Variants in ZGRF1 observed in about 807,000 individuals in gnomAD.
ZGRF1 encodes the protein 5'-3' DNA helicase ZGRF1.
Under a neutral mutation model 203.5 loss-of-function variants are expected in ZGRF1, and 196 were observed. That is an observed-to-expected ratio of 0.96 (90% CI 0.86 to 1.08). The LOEUF (loss-of-function observed/expected upper bound fraction) is 1.08, where lower values mean the gene tolerates loss of function less well. Ranked by LOEUF, ZGRF1 falls within the 50% of genes least tolerant of loss-of-function variation. The pLI, the probability that ZGRF1 is intolerant of heterozygous loss-of-function variation, is 0.00. For missense variants in ZGRF1, 2,326 were observed against 2,416.3 expected (o/e 0.96, Z 0.78); for synonymous variants, 809 against 841.3 (o/e 0.96, Z 0.66).
chr4:112,633,184 T>C lies in ZGRF1; in HGVS notation c.-8A>G. The C allele has an allele frequency of 5.6e-6, 9 of 1,608,534 alleles. No homozygotes were observed. Among genetic ancestry groups the C allele is most frequent in the Non-Finnish European group, 6.8e-6 (8 of 1,175,566 alleles). On this transcript the variant is annotated 5_prime_UTR_variant, in exon 2 of 28. Coordinates refer to ENST00000505019, the MANE Select transcript of ZGRF1 (RefSeq NM_018392.5). ...AAATTCTTGGCTTTCCATTATTTCT[T>C]CTGAAGTTATAAACCAGCTGGGTCC...
At chr4:112,627,457 A>G (rs2047274468) in intron 3 of ZGRF1, among the ~76,000 whole-genome samples, 1 of 152,158 alleles carries the variant, frequency 6.6e-6, no homozygotes, top group African/African-American at 2.4e-5. Flanking sequence ...AAATACAAAT[A>G]TAGCCGGGCA....
intron 3 of ZGRF1, among the ~76,000 whole-genome samples, chr4:112,624,135 G>A (rs1179415436): frequency 2.8e-5 from 4 of 144,202 alleles, no homozygotes; most frequent in African/African-American, 7.8e-5. Context: ...TTGTTCTTTC[G>A]CTCTTCGCAA....
chr4:112,589,040 A>C (rs148385854), intron 11 of ZGRF1, among the ~76,000 whole-genome samples: 10 of 152,224 alleles, frequency 6.6e-5, no homozygotes, highest in Non-Finnish European at 1.2e-4. Context: ...TAACCCAACT[A>C]CCAATTCACA....
intron 2 of ZGRF1, 90 bp from the exon 3 acceptor site, chr4:112,632,100 T>A (rs760800161): frequency 2.0e-5 from 11 of 544,022 alleles, no homozygotes; most frequent in Non-Finnish European, 2.9e-5. Context: ...ACAAAATATA[T>A]TTAAGGCACC....
intron 3 of ZGRF1, among the ~76,000 whole-genome samples, 169 bp downstream of exon 3, chr4:112,631,761 A>G (rs1560893313): frequency 6.6e-6 from 1 of 152,260 alleles, no homozygotes; most frequent in Non-Finnish European, 1.5e-5. Context: ...AACTATTTTT[A>G]TAACGCACAA....
At chr4:112,566,381 C>A (rs1265917733) in intron 16 of ZGRF1, among the ~76,000 whole-genome samples, 1 of 149,744 alleles carries the variant, frequency 6.7e-6, no homozygotes, top group Non-Finnish European at 1.5e-5. Context: ...AGGAGATATA[C>A]CTAATGCTAA....
At position 112,617,833 on chromosome 4, in the gene ZGRF1, TGTTGTCACTACTAGAA is replaced by T; in HGVS notation, c.2193_2208del (p.Ser732ValfsTer5). The T allele has an allele frequency of 6.2e-7, 1 of 1,614,076 alleles. No individual in the cohort carries two copies. Among genetic ancestry groups the T allele is most frequent in the South Asian group, 1.1e-5 (1 of 91,062 alleles). ...TGATTGGTATTTAATAGTTGGACAC[TGTTGTCACTACTAGAA>T]GTTGAGGGTAAAACATGTTCATCAT... On this transcript the variant is annotated frameshift_variant, in exon 6 of 28. Transcript: ENST00000505019. LOFTEE classifies it high-confidence loss of function.
Position 112,585,729 on chromosome 4 carries a change from C to CAAAA in ZGRF1, c.3917-8_3917-5dup. On this transcript the variant is annotated splice_region_variant and splice_polypyrimidine_tract_variant and intron_variant, in intron 13 of 27. Transcript: ENST00000505019. ...AACAGCAATATATTTAGATGTTCTACAAAAAAAAAAAAAAGAGAGCAGAAA... is the reference window on the plus strand; with the variant it reads ...AACAGCAATATATTTAGATGTTCTACAAAAAAAAAAAAAAAAAAGAGAGCAGAAA... The CAAAA allele has an allele frequency of 6.9e-6, 8 of 1,161,738 alleles. No individual in the cohort carries two copies. Among genetic ancestry groups the CAAAA allele is most frequent in the South Asian group, 4.3e-5 (2 of 46,708 alleles). 72.0% of individuals were successfully genotyped at this position (1,161,738 alleles called of 1,614,324 possible). A position where few individuals can be genotyped will look rare whatever the true frequency, so the allele number is the denominator to read the frequency against.
At chr4:112,558,556 C>T (rs1252771015) in intron 19 of ZGRF1, among the ~76,000 whole-genome samples, 1 of 152,070 alleles carries the variant, frequency 6.6e-6, no homozygotes, top group East Asian at 1.9e-4. Context: ...TTAGTAGAGC[C>T]ACCATATTGG....
chr4:112,574,657 G>A lies in ZGRF1; in HGVS notation c.4438+7006C>T, dbSNP rs544369342. Among the ~76,000 whole-genome samples, 9 of 152,306 alleles carry A rather than the reference G, an allele frequency of 5.9e-5. No individual in the cohort carries two copies. The South Asian group carries it at 8.3e-4, about 14-fold the overall frequency. On this transcript the variant is annotated intron_variant, in intron 16 of 27. Transcript: ENST00000505019. ...AAATAACTAAATGAAGGTGAGCTATGTGAGGACCAATGACTAAGAGTAGGT... is the reference window on the plus strand; with the variant it reads ...AAATAACTAAATGAAGGTGAGCTATATGAGGACCAATGACTAAGAGTAGGT...
Position 112,539,458 on chromosome 4 carries a change from G to C in ZGRF1, c.*89C>G. ...TATTTAAATATCATATTTTTAATAA[G>C]AGGGTTTAGAGTAATAAAAATATAA... On this transcript the variant is annotated 3_prime_UTR_variant, in exon 28 of 28. Coordinates refer to ENST00000505019, the MANE Select transcript of ZGRF1 (RefSeq NM_018392.5). The C allele has an allele frequency of 1.5e-6, 1 of 648,276 alleles. No homozygotes were observed. Among genetic ancestry groups the C allele is most frequent in the East Asian group, 3.1e-5 (1 of 32,528 alleles). The allele number at this position is 648,276 out of a possible 1,614,324, so 40.2% of individuals were successfully genotyped here.
chr4:112,541,387 C>G lies in ZGRF1; in HGVS notation c.5599-119G>C, dbSNP rs1737564539. Reference sequence around the variant, plus strand: ...TATGGTCTTAGGAGATGAATTACAACCATGATAGAATAGACTATAAATAAA... The same window carrying G: ...TATGGTCTTAGGAGATGAATTACAAGCATGATAGAATAGACTATAAATAAA... On this transcript the variant is annotated intron_variant, in intron 24 of 27. Transcript: ENST00000505019. 1.1e-5 allele frequency: 5 copies of G among 447,716 alleles called. No homozygotes were observed. In the South Asian group the frequency reaches 2.9e-4, roughly 26 times the overall value. The allele number at this position is 447,716 out of a possible 1,614,324, so 27.7% of individuals were successfully genotyped here.
intron 26 of ZGRF1, among the ~76,000 whole-genome samples, chr4:112,540,455 T>C (rs949464766): frequency 6.6e-6 from 1 of 152,196 alleles, no homozygotes; most frequent in Non-Finnish European, 1.5e-5. Context: ...TACATTAATA[T>C]TTGGTATCTA....
At chr4:112,635,129 C>CAAAA (rs34823978) in intron 1 of ZGRF1, among the ~76,000 whole-genome samples, 3 of 89,090 alleles carry the variant, frequency 3.4e-5, no homozygotes, top group African/African-American at 1.2e-4. Context: ...GACTCCATCT[C>CAAAA]AAAAAAAAAA....
At chr4:112,583,921 G>T in intron 15 of ZGRF1, 57 bp downstream of exon 15, 1 of 1,087,480 alleles carries the variant, frequency 9.2e-7, no homozygotes, top group Non-Finnish European at 1.3e-6. Flanking sequence ...ATAGTTCTGT[G>T]AAGGCTGTTG....
Position 112,550,094 on chromosome 4 carries a change from A to C in ZGRF1, c.5347-1714T>G, listed in dbSNP as rs1739635906. ...GTAGTCCCAGCTACTTGGGAGGCTG[A>C]GGCAGGAGAATGGCGTGAACCCGGG... On this transcript the variant is annotated intron_variant, in intron 22 of 27. Transcript: ENST00000505019. Among the ~76,000 whole-genome samples, 2 of 152,090 alleles carry C rather than the reference A, an allele frequency of 1.3e-5. 1 individual carries two copies. The highest frequency in any genetic ancestry group is 4.2e-4 in the South Asian group (2 of 4,816).
chr4:112,562,352 A>G lies in ZGRF1; in HGVS notation c.4697+19T>C. On this transcript the variant is annotated intron_variant, in intron 18 of 27. Transcript: ENST00000505019. Reference sequence around the variant, plus strand: ...ACCATTTTTTAATACCAATGACTCAAAGGTAAAAAATGACTTACGTTGTTA... The same window carrying G: ...ACCATTTTTTAATACCAATGACTCAGAGGTAAAAAATGACTTACGTTGTTA... 1.5e-6 allele frequency: 2 copies of G among 1,341,626 alleles called. No homozygotes were observed. The highest frequency in any genetic ancestry group is 4.6e-5 in the East Asian group (2 of 43,046). 83.1% of individuals were successfully genotyped at this position (1,341,626 alleles called of 1,614,324 possible). A position where few individuals can be genotyped will look rare whatever the true frequency, so the allele number is the denominator to read the frequency against.
intron 26 of ZGRF1, 51 bp downstream of exon 26, chr4:112,540,770 T>C (rs1737399192): frequency 3.5e-6 from 5 of 1,416,696 alleles, no homozygotes; most frequent in Non-Finnish European, 4.8e-6. Flanking sequence ...TATGGTAATA[T>C]GTAATTGTAA....
intron 10 of ZGRF1, among the ~76,000 whole-genome samples, chr4:112,600,774 C>T (rs971486499): frequency 6.6e-6 from 1 of 152,106 alleles, no homozygotes; most frequent in African/African-American, 2.4e-5. Context: ...TAGCAGAACA[C>T]GTTCCTTATA....
Sources: gnomAD v4.1 joint callset for allele counts (sites outside exome capture counted in the v4.1 genomes callset) on GRCh38, gnomAD v4.1.1 for gene constraint, MANE v1.5 for transcripts, NCBI Gene and HGNC (gene_info 2026-07-23, HGNC 2026-07-21) for gene names.